The following DAB1 variants were observed in gnomAD, a reference collection of about 807,000 sequenced individuals.
DAB1 encodes the protein disabled homolog 1.
A neutral mutation model predicts 64.6 loss-of-function variants in DAB1; 15 were observed. That is an observed-to-expected ratio of 0.23 (90% CI 0.16 to 0.36). The LOEUF is 0.36. DAB1 is among the 10% of genes least tolerant of loss of function. The pLI is 1.00. For missense variants in DAB1, 596 were observed against 706.7 expected (o/e 0.84, Z 1.78); for synonymous variants, 235 against 251.9 (o/e 0.93, Z 0.64).
intron 7 of DAB1, among the ~76,000 whole-genome samples, chr1:57,508,269 A>C (rs1231075676): frequency 2.0e-5 from 3 of 152,144 alleles, no homozygotes; most frequent in Non-Finnish European, 4.4e-5. Context: ...ACCCCTCTAC[A>C]TGAATGAATG....
At chr1:58,222,947 A>G (rs973842241) in intron 4 of DAB1, among the ~76,000 whole-genome samples, 27 of 152,222 alleles carry the variant, frequency 1.8e-4, no homozygotes, top group Non-Finnish European at 7.3e-5. Context: ...CATTCAGCTC[A>G]GGCATCTGTT....
At chr1:57,298,074 A>G (rs888660646) in intron 1 of DAB1, among the ~76,000 whole-genome samples, 16 of 152,102 alleles carry the variant, frequency 1.1e-4, no homozygotes, top group Admixed American at 8.5e-4. Context: ...TTTGTAGATT[A>G]TCTCCCTCTC....
intron 5 of DAB1, chr1:58,074,334 AATT>A (rs1444690518): frequency 6.6e-6 from 1 of 151,658 alleles, no homozygotes; most frequent in Non-Finnish European, 1.5e-5. Flanking sequence ...TTAGAAATAT[AATT>A]CTGTTGCACT....
chr1:57,063,346 A>C (rs1650595591), intron 8 of DAB1, among the ~76,000 whole-genome samples: 1 of 152,208 alleles, frequency 6.6e-6, no homozygotes, highest in African/African-American at 2.4e-5. Flanking sequence ...TAAACTGTTC[A>C]ATGCTGAGGC....
chr1:57,124,396 C>T (rs1409924929), intron 4 of DAB1, among the ~76,000 whole-genome samples: 1 of 152,084 alleles, frequency 6.6e-6, no homozygotes, highest in Non-Finnish European at 1.5e-5. Context: ...CTCAGTATCT[C>T]AGAGTCTCAG....
chr1:58,486,235 G>A (rs1645573917), intron 3 of DAB1, among the ~76,000 whole-genome samples: 1 of 152,198 alleles, frequency 6.6e-6, no homozygotes, highest in African/African-American at 2.4e-5. Context: ...GCACAAGTAT[G>A]TACATCCAAC....
intron 4 of DAB1, among the ~76,000 whole-genome samples, chr1:58,333,599 C>A (rs1317428321): frequency 6.6e-6 from 1 of 152,220 alleles, no homozygotes; most frequent in Admixed American, 6.5e-5. Context: ...GCTAATTTGG[C>A]TTGGCAGGAT....
At chr1:57,423,155 G>GA (rs1396231602) in intron 1 of DAB1, among the ~76,000 whole-genome samples, 12 of 144,442 alleles carry the variant, frequency 8.3e-5, no homozygotes, top group South Asian at 2.3e-4. Flanking sequence ...TTCCTTGGTA[G>GA]AAAAAAAAAC....
At chr1:58,232,227 AAAGAGCTCTGGAAATATGAG>A (rs1301703711) in intron 4 of DAB1, among the ~76,000 whole-genome samples, 1 of 152,182 alleles carries the variant, frequency 6.6e-6, no homozygotes, top group Non-Finnish European at 1.5e-5. Flanking sequence ...AAAAATGATT[AAAGAGCTCTGGAAATATGAG>A]AAGAGACCGT....
chr1:57,242,517 T>C (rs1668569181), intron 2 of DAB1, among the ~76,000 whole-genome samples: 1 of 152,144 alleles, frequency 6.6e-6, no homozygotes, highest in South Asian at 2.1e-4. Flanking sequence ...TTTCCTTATT[T>C]TTACTTCTCA....
intron 6 of DAB1, among the ~76,000 whole-genome samples, chr1:57,762,573 A>T (rs989684705): frequency 3.6e-5 from 5 of 137,380 alleles, no homozygotes; most frequent in African/African-American, 1.2e-4. Context: ...AGCAAGACAT[A>T]AAAAAAAATT....
chr1:57,996,798 T>A lies in DAB1; in HGVS notation n.388-112636A>T, dbSNP rs377226189. 3.3e-5 allele frequency among the ~76,000 whole-genome samples: 5 copies of A among 152,246 alleles called. No individual in the cohort carries two copies. The South Asian group carries it at 1.0e-3, about 31-fold the overall frequency. On this transcript the variant is annotated intron_variant and non_coding_transcript_variant, in intron 5 of 20. Coordinates refer to the DAB1 transcript ENST00000485760. ...CAGATTTTAGCATGTAATTATTTTA[T>A]GACTCTTCCCTTAAATTGTGGATTC...
chr1:57,650,398 C>T (rs1234197838), intron 6 of DAB1, among the ~76,000 whole-genome samples: 3 of 151,820 alleles, frequency 2.0e-5, no homozygotes, highest in Non-Finnish European at 4.4e-5. Flanking sequence ...GAATGCAGAC[C>T]GGTATTTACG....
intron 5 of DAB1, among the ~76,000 whole-genome samples, chr1:57,979,231 C>T (rs1047515137): frequency 6.6e-6 from 1 of 152,108 alleles, no homozygotes; most frequent in Non-Finnish European, 1.5e-5. Context: ...TACTATGCAG[C>T]CATAAAGAAA....
At chr1:57,874,162 C>T (rs1035864422) in intron 1 of DAB1, 1 of 152,060 alleles carries the variant, frequency 6.6e-6, no homozygotes, top group African/African-American at 2.4e-5. Flanking sequence ...TCAAAGCTTT[C>T]CAAGAGAGAC....
chr1:57,690,565 A>G (rs1646752258), intron 6 of DAB1, among the ~76,000 whole-genome samples: 1 of 152,178 alleles, frequency 6.6e-6, no homozygotes, highest in South Asian at 2.1e-4. Context: ...AGTCTGCAGA[A>G]CTATGAGCCA....
intron 4 of DAB1, among the ~76,000 whole-genome samples, chr1:57,111,028 A>G (rs532116717): frequency 1.3e-5 from 2 of 152,232 alleles, no homozygotes; most frequent in Admixed American, 6.5e-5. Context: ...GCTTAGAATA[A>G]CAAAAGAGTG....
chr1:58,474,659 T>C (rs926807005), intron 3 of DAB1, among the ~76,000 whole-genome samples: 2 of 152,200 alleles, frequency 1.3e-5, no homozygotes, highest in African/African-American at 4.8e-5. Flanking sequence ...GATGAGATCA[T>C]GGAAAGTTTC....
chr1:58,041,096 C>A (rs1348339534), intron 5 of DAB1, among the ~76,000 whole-genome samples: 1 of 152,194 alleles, frequency 6.6e-6, no homozygotes, highest in African/African-American at 2.4e-5. Flanking sequence ...TCCTAATAAT[C>A]TTTTTTCCAA....
Sources: allele counts gnomAD v4.1 joint callset (sites outside exome capture counted in the v4.1 genomes callset), GRCh38; gene constraint gnomAD v4.1.1; transcripts MANE v1.5; gene names NCBI Gene and HGNC (gene_info 2026-07-23, HGNC 2026-07-21).